KCNK2: variants seen among roughly 807,000 people sequenced by gnomAD.
The protein encoded by KCNK2 is potassium two pore domain channel subfamily K member 2.
KCNK2 carries 21 observed loss-of-function variants against 40.5 expected under a neutral mutation model. The observed-to-expected ratio is 0.52, with a 90% confidence interval of 0.37 to 0.75. The LOEUF is 0.75. Ranked by LOEUF, KCNK2 falls within the 30% of genes least tolerant of loss-of-function variation. The pLI is 0.00. For missense variants in KCNK2, 399 were observed against 531.6 expected, an observed-to-expected ratio of 0.75 and a Z score of 2.45; for synonymous variants, 191 against 202.2, an observed-to-expected ratio of 0.94 and a Z score of 0.47.
chr1:215,070,515 A>G (rs765950372), intron 1 of KCNK2, among the ~76,000 whole-genome samples: 11 of 151,886 alleles, frequency 7.2e-5, no homozygotes, highest in Non-Finnish European at 8.8e-5. Context: ...GCTGAAGGTA[A>G]ATGAGGAGAA....
chr1:215,230,734 G>A (rs1666626618), intron 6 of KCNK2, among the ~76,000 whole-genome samples: 1 of 151,456 alleles, frequency 6.6e-6, no homozygotes, highest in Non-Finnish European at 1.5e-5. Context: ...TGTGGTTATA[G>A]AGCTAGAAGG....
intron 6 of KCNK2, among the ~76,000 whole-genome samples, chr1:215,228,966 A>C (rs1666507701): frequency 6.6e-6 from 1 of 152,100 alleles, no homozygotes; most frequent in Admixed American, 6.5e-5. Context: ...AAGCTTGTTC[A>C]ACCCATGGGC....
chr1:215,216,194 T>C (rs1665949800), intron 6 of KCNK2, among the ~76,000 whole-genome samples: 1 of 152,096 alleles, frequency 6.6e-6, no homozygotes, highest in Non-Finnish European at 1.5e-5. Flanking sequence ...TGCATTGTTT[T>C]CCAATTTTGG....
chr1:215,149,950 A>T (rs1346675872), intron 3 of KCNK2, among the ~76,000 whole-genome samples: 1 of 152,176 alleles, frequency 6.6e-6, no homozygotes, highest in Non-Finnish European at 1.5e-5. Context: ...TAACTTTAGG[A>T]AGCATTTAGG....
chr1:215,156,285 C>G (rs184692634), intron 3 of KCNK2, among the ~76,000 whole-genome samples: 164 of 152,290 alleles, frequency 1.1e-3, no homozygotes, highest in Non-Finnish European at 1.8e-3. Flanking sequence ...CAGCCAGGAG[C>G]AGCATATGCA....
intron 1 of KCNK2, among the ~76,000 whole-genome samples, chr1:215,060,623 A>C (rs765282382): frequency 2.6e-5 from 4 of 152,224 alleles, no homozygotes; most frequent in Non-Finnish European, 5.9e-5. Context: ...CGTAGAAAAA[A>C]ATTATGAATC....
intron 5 of KCNK2, 36 bp downstream of exon 5, chr1:215,172,219 C>T (rs749917811): frequency 5.8e-6 from 9 of 1,554,216 alleles, no homozygotes; most frequent in Non-Finnish European, 5.3e-6. Context: ...ACTCTTCTAA[C>T]AGGGGTTTAT....
chr1:215,127,560 A>G (rs1661489322), intron 3 of KCNK2, among the ~76,000 whole-genome samples: 1 of 152,080 alleles, frequency 6.6e-6, no homozygotes, highest in Non-Finnish European at 1.5e-5. Flanking sequence ...TCCACATTCA[A>G]ATTGCCACCA....
chr1:215,232,472 C>A (rs987119156), intron 6 of KCNK2, among the ~76,000 whole-genome samples: 1 of 152,054 alleles, frequency 6.6e-6, no homozygotes, highest in African/African-American at 2.4e-5. Context: ...AATAATACTG[C>A]CAATTACTAT....
intron 1 of KCNK2, among the ~76,000 whole-genome samples, chr1:215,007,087 G>A (rs1282385768): frequency 8.3e-6 from 1 of 120,492 alleles, no homozygotes; most frequent in African/African-American, 3.4e-5. Flanking sequence ...ATATATGTGT[G>A]TATATATATA....
intron 1 of KCNK2, among the ~76,000 whole-genome samples, chr1:215,063,549 A>T (rs1009399085): frequency 4.6e-5 from 7 of 152,284 alleles, no homozygotes; most frequent in African/African-American, 1.7e-4. Flanking sequence ...TTCAGGGAGG[A>T]ACTGTGCTAA....
intron 1 of KCNK2, among the ~76,000 whole-genome samples, chr1:215,021,017 C>G (rs1656767899): frequency 6.6e-6 from 1 of 151,924 alleles, no homozygotes; most frequent in Admixed American, 6.6e-5. Context: ...TTAAATAATT[C>G]AAATTTTTTA....
chr1:215,061,364 AGT>A (rs1658355725), intron 1 of KCNK2, among the ~76,000 whole-genome samples: 1 of 152,162 alleles, frequency 6.6e-6, no homozygotes, highest in Non-Finnish European at 1.5e-5. Context: ...ATTAGTTAGA[AGT>A]GTGAGTTTAC....
At chr1:215,046,317 T>G (rs1277649213) in intron 1 of KCNK2, among the ~76,000 whole-genome samples, 1 of 152,160 alleles carries the variant, frequency 6.6e-6, no homozygotes, top group East Asian at 1.9e-4. Flanking sequence ...TATATACATA[T>G]ACACAAATAT....
intron 2 of KCNK2, among the ~76,000 whole-genome samples, chr1:215,092,142 G>T (rs1401150676): frequency 6.6e-6 from 1 of 152,106 alleles, no homozygotes; most frequent in Non-Finnish European, 1.5e-5. Flanking sequence ...AAATGAGGGG[G>T]GCTTGACCTA....
At chr1:215,210,687 TAGGTACA>T (rs1665705466) in intron 6 of KCNK2, among the ~76,000 whole-genome samples, 2 of 152,084 alleles carry the variant, frequency 1.3e-5, no homozygotes, top group South Asian at 4.1e-4. Context: ...GAGAAATTTA[TAGGTACA>T]AGGGAGTATA....
chr1:215,147,318 T>A (rs1240663542), intron 3 of KCNK2, among the ~76,000 whole-genome samples: 1 of 152,212 alleles, frequency 6.6e-6, no homozygotes, highest in Non-Finnish European at 1.5e-5. Flanking sequence ...TGAAGTGGAT[T>A]TTTAAAGTTC....
chr1:215,233,609 AT>A (rs1183222908), intron 6 of KCNK2, among the ~76,000 whole-genome samples: 3 of 152,100 alleles, frequency 2.0e-5, no homozygotes, highest in Admixed American at 1.3e-4. Context: ...TCCTTTGTTG[AT>A]TTTTTAAAAG....
At chr1:215,203,747 T>C (rs867755945) in intron 6 of KCNK2, among the ~76,000 whole-genome samples, 1 of 152,054 alleles carries the variant, frequency 6.6e-6, no homozygotes, top group African/African-American at 2.4e-5. Context: ...TATAGAAATT[T>C]CAAATATGTT....
Sources: gnomAD v4.1 joint callset for allele counts (sites outside exome capture counted in the v4.1 genomes callset) on GRCh38, gnomAD v4.1.1 for gene constraint, MANE v1.5 for transcripts, NCBI Gene and HGNC (gene_info 2026-07-23, HGNC 2026-07-21) for gene names.